MARCHF1: variants seen among roughly 807,000 people sequenced by gnomAD.
MARCHF1 encodes membrane associated ring-CH-type finger 1.
MARCHF1 carries 40 observed loss-of-function variants against 54.2 expected under a neutral mutation model. The observed-to-expected ratio is 0.74, with a 90% CI of 0.57 to 0.96. The LOEUF (loss-of-function observed/expected upper bound fraction) is 0.96, where lower values mean the gene tolerates loss of function less well. Among genes scored for constraint, MARCHF1 ranks in the 40% least tolerant of loss-of-function variants. MARCHF1 has a pLI of 0.00. For synonymous variants in MARCHF1, 236 were observed against 236.3 expected (o/e 1.00, Z 0.01); for missense variants, 586 against 656.5 (o/e 0.89, Z 1.17).
chr4:163,826,622 T>C (rs1008750083), intron 4 of MARCHF1, among the ~76,000 whole-genome samples: 11 of 152,072 alleles, frequency 7.2e-5, no homozygotes, highest in Non-Finnish European at 1.3e-4. Context: ...CTGTACTTCA[T>C]AGTGTTCATA....
At chr4:163,743,966 G>A (rs1715398067) in intron 4 of MARCHF1, among the ~76,000 whole-genome samples, 1 of 152,144 alleles carries the variant, frequency 6.6e-6, no homozygotes, top group South Asian at 2.1e-4. Context: ...GCACTGGTTA[G>A]GTGTTTGCAA....
intron 7 of MARCHF1, among the ~76,000 whole-genome samples, chr4:163,593,273 G>T (rs889656919): frequency 2.6e-5 from 4 of 152,076 alleles, no homozygotes; most frequent in African/African-American, 9.7e-5. Context: ...GGGTGCATTT[G>T]TAAGACTGAC....
intron 4 of MARCHF1, among the ~76,000 whole-genome samples, chr4:163,821,325 C>G (rs1748686735): frequency 6.6e-6 from 1 of 152,008 alleles, no homozygotes; most frequent in Non-Finnish European, 1.5e-5. Context: ...CAATTTTATA[C>G]TTGTGTGGGT....
Position 164,050,275 on chromosome 4 carries a change from C to CAAAAAAAAAAAAAAAA in MARCHF1, c.-248+61297_-248+61312dup, listed in dbSNP as rs34642436. Among the ~76,000 whole-genome samples the CAAAAAAAAAAAAAAAA allele has an allele frequency of 3.0e-4, 12 of 40,192 alleles. 2 individuals are homozygous for CAAAAAAAAAAAAAAAA. Among genetic ancestry groups the CAAAAAAAAAAAAAAAA allele is most frequent in the South Asian group, 3.6e-3 (2 of 556 alleles). The allele number at this position is 40,192 out of a possible 152,430, so 26.4% of individuals were successfully genotyped here. ...GGGCGACGGAGCGAGACACTGTCTC[C>CAAAAAAAAAAAAAAAA]AAAAAAAAAAAAAAAAAAAAAAAAA... On this transcript the variant is annotated intron_variant, in intron 2 of 9. Coordinates refer to ENST00000514618, the MANE Select transcript of MARCHF1 (RefSeq NM_001394959.1).
Position 163,585,773 on chromosome 4 carries a change from C to G in MARCHF1, c.1167G>C (p.Glu389Asp), listed in dbSNP as rs760378901. 11 of 1,608,268 alleles carry G rather than the reference C, an allele frequency of 6.8e-6. No individual in the cohort carries two copies. In the East Asian group the frequency reaches 2.5e-4, roughly 36 times the overall value. ...CCTTCCGGAGGGGTTTGAGCTTGGT[C>G]TCCATTATGAAGTCATACTTGCAGA... is the stretch of plus-strand genomic sequence containing the variant. ...CELCKYDFIM[E>D]TKLKPLRKWE... The change falls in exon 8 of 10, where the codon GAG (glutamate) becomes GAC (aspartate). Residue 389 changes from glutamate (E) to aspartate (D), a missense_variant. Glu to Asp is a conservative substitution (Grantham distance 45). This residue lies in a region of MARCHF1 where 93 missense variants were observed against 168.2 expected (regional missense o/e 0.55). Coordinates refer to ENST00000514618, the MANE Select transcript of MARCHF1 (RefSeq NM_001394959.1).
At chr4:163,939,150 T>C (rs1185280195) in intron 3 of MARCHF1, among the ~76,000 whole-genome samples, 4 of 152,174 alleles carry the variant, frequency 2.6e-5, no homozygotes, top group Non-Finnish European at 5.9e-5. Context: ...AAAGATGACT[T>C]ACAATAAATA....
Position 164,147,728 on chromosome 4 carries a change from C to T in MARCHF1, c.-322-36066G>A, listed in dbSNP as rs536829506. 1.7e-3 allele frequency among the ~76,000 whole-genome samples: 245 copies of T among 143,768 alleles called. 1 individual carries two copies. The highest frequency in any genetic ancestry group is 2.8e-3 in the Non-Finnish European group (188 of 66,122). 94.3% of individuals were successfully genotyped at this position (143,768 alleles called of 152,430 possible). A position where few individuals can be genotyped will look rare whatever the true frequency, so the allele number is the denominator to read the frequency against. ...GGGAGATATACCTAATGCTAGATGA[C>T]GAGTTAGTGGGTGCAGCGCACCAGC... is the stretch of plus-strand genomic sequence containing the variant. On this transcript the variant is annotated intron_variant, in intron 1 of 9. Coordinates refer to ENST00000514618, the MANE Select transcript of MARCHF1 (RefSeq NM_001394959.1).
At chr4:164,161,011 A>T (rs1046435214) in intron 1 of MARCHF1, among the ~76,000 whole-genome samples, 2 of 152,168 alleles carry the variant, frequency 1.3e-5, no homozygotes, top group Admixed American at 1.3e-4. Flanking sequence ...GACAAGGTAT[A>T]TTAAGTGATT....
At chr4:164,132,303 G>A (rs1436990044) in intron 1 of MARCHF1, among the ~76,000 whole-genome samples, 3 of 151,992 alleles carry the variant, frequency 2.0e-5, no homozygotes, top group African/African-American at 7.2e-5. Flanking sequence ...TGACAAAAGA[G>A]TCCTGTCTTT....
At chr4:164,229,164 C>T (rs1341390568) in intron 1 of MARCHF1, among the ~76,000 whole-genome samples, 2 of 152,200 alleles carry the variant, frequency 1.3e-5, no homozygotes, top group African/African-American at 4.8e-5. Context: ...TTCTTTGACA[C>T]ATCTGCCTTC....
intron 9 of MARCHF1, among the ~76,000 whole-genome samples, chr4:163,531,653 G>A (rs1158423405): frequency 6.6e-6 from 1 of 151,542 alleles, no homozygotes; most frequent in Non-Finnish European, 1.5e-5. Flanking sequence ...AACTATCTTT[G>A]TTCACAAATG....
chr4:164,100,662 TCA>T (rs1755525400), intron 2 of MARCHF1, among the ~76,000 whole-genome samples: 1 of 152,230 alleles, frequency 6.6e-6, no homozygotes, highest in Non-Finnish European at 1.5e-5. Flanking sequence ...CATTAAAACC[TCA>T]TTTATGAGTT....
At chr4:164,126,302 C>G (rs3115368) in intron 1 of MARCHF1, among the ~76,000 whole-genome samples, 139,370 of 152,192 alleles carry the variant, frequency 0.92, 63,998 homozygotes, top group East Asian at 1. Context: ...TCCACCATGT[C>G]AGGACACCGT....
At chr4:164,080,120 G>C (rs1755064915) in intron 2 of MARCHF1, among the ~76,000 whole-genome samples, 1 of 152,106 alleles carries the variant, frequency 6.6e-6, no homozygotes, top group Admixed American at 6.5e-5. Flanking sequence ...AAGCGCTCTG[G>C]CTATCTGGCT....
intron 5 of MARCHF1, among the ~76,000 whole-genome samples, chr4:163,676,791 CT>C (rs1468039094): frequency 6.6e-6 from 1 of 151,092 alleles, no homozygotes; most frequent in African/African-American, 2.4e-5. Flanking sequence ...TCAACTAGGT[CT>C]ATTAAAGGAA....
At chr4:164,066,898 C>A (rs531573335) in intron 2 of MARCHF1, among the ~76,000 whole-genome samples, 1 of 151,984 alleles carries the variant, frequency 6.6e-6, no homozygotes, top group Admixed American at 6.6e-5. Context: ...GGGAGAGGAT[C>A]AGGAAAAACA....
chr4:163,651,403 C>A (rs1742958174), intron 5 of MARCHF1, among the ~76,000 whole-genome samples: 2 of 151,782 alleles, frequency 1.3e-5, no homozygotes, highest in Admixed American at 1.3e-4. Flanking sequence ...CAAAGGTCAT[C>A]AGTTTACCTT....
At chr4:163,830,842 G>A (rs1315262223) in intron 4 of MARCHF1, among the ~76,000 whole-genome samples, 3 of 152,144 alleles carry the variant, frequency 2.0e-5, no homozygotes, top group Non-Finnish European at 4.4e-5. Context: ...AAGCTGAGAT[G>A]AGTTGAAATG....
intron 2 of MARCHF1, among the ~76,000 whole-genome samples, chr4:164,100,607 G>A (rs1310818621): frequency 2.0e-5 from 3 of 152,182 alleles, no homozygotes; most frequent in Admixed American, 1.3e-4. Context: ...CAGCATAGAG[G>A]TGCTTTTTCA....
Sources: gnomAD v4.1 joint callset for allele counts (sites outside exome capture counted in the v4.1 genomes callset) on GRCh38, gnomAD v4.1.1 for gene constraint, gnomAD v4.1.1 regional missense constraint, MANE v1.5 for transcripts, NCBI Gene and HGNC (gene_info 2026-07-23, HGNC 2026-07-21) for gene names.